The following HLTF variants were observed in gnomAD, a reference collection of about 807,000 sequenced individuals.
The protein encoded by HLTF is DNA-dependent ATPase/E3 ubiquitin-protein ligase HLTF.
A neutral mutation model predicts 129.4 loss-of-function variants in HLTF; 127 were observed. The ratio of observed to expected loss-of-function variants is 0.98; its 90% CI spans 0.85 to 1.14. The LOEUF (loss-of-function observed/expected upper bound fraction) is 1.14, where lower values mean the gene tolerates loss of function less well. Ranked by LOEUF, HLTF falls within the 50% of genes most tolerant of loss-of-function variation. The probability of loss-of-function intolerance (pLI) is 0.00; values close to 1 mark genes in which losing one functional copy is unlikely to be tolerated. For synonymous variants in HLTF, 332 were observed against 388.8 expected (o/e 0.85, Z 1.72); for missense variants, 1,139 against 1,187.1 (o/e 0.96, Z 0.60).
intron 19 of HLTF, 147 bp downstream of exon 19, chr3:149,042,019 T>C (rs530518486): frequency 1.5e-6 from 1 of 674,302 alleles, no homozygotes; most frequent in African/African-American, 1.8e-5. Context: ...AATTATTGGA[T>C]GTATTCCTAG....
At chr3:149,081,838 TTAAG>T (rs1441949859) in intron 2 of HLTF, among the ~76,000 whole-genome samples, 1 of 152,222 alleles carries the variant, frequency 6.6e-6, no homozygotes, top group East Asian at 1.9e-4. Flanking sequence ...AAAAGGGAGT[TTAAG>T]TATGTGTTCC....
chr3:149,048,192 C>T (rs771505287), intron 16 of HLTF, 29 bp from the exon 17 acceptor site: 1 of 1,572,930 alleles, frequency 6.4e-7, no homozygotes, highest in Non-Finnish European at 8.6e-7. Flanking sequence ...TGTTATAACT[C>T]TTTAACCAGA....
intron 9 of HLTF, among the ~76,000 whole-genome samples, chr3:149,063,910 A>T (rs553442961): frequency 3.3e-5 from 5 of 152,268 alleles, no homozygotes; most frequent in African/African-American, 1.2e-4. Flanking sequence ...TTTTTACTAA[A>T]CACTGTTCGG....
At chr3:149,033,963 T>C (rs1190303805) in intron 24 of HLTF, among the ~76,000 whole-genome samples, 1 of 152,094 alleles carries the variant, frequency 6.6e-6, no homozygotes, top group Non-Finnish European at 1.5e-5. Context: ...TCAACATACA[T>C]AAACAAAAGA....
chr3:149,037,152 T>C (rs141828887), intron 23 of HLTF, among the ~76,000 whole-genome samples: 134 of 152,262 alleles, frequency 8.8e-4, no homozygotes, highest in African/African-American at 3.1e-3. Context: ...ATTTCAAACT[T>C]CATCCACAGT....
chr3:149,058,159 G>C (rs1717631937), intron 13 of HLTF, among the ~76,000 whole-genome samples: 2 of 152,202 alleles, frequency 1.3e-5, no homozygotes, highest in South Asian at 4.2e-4. Context: ...ATGCAGTGGC[G>C]CTATTATGGC....
intron 14 of HLTF, among the ~76,000 whole-genome samples, chr3:149,053,275 T>A (rs1278406169): frequency 6.6e-6 from 1 of 152,138 alleles, no homozygotes; most frequent in African/African-American, 2.4e-5. Flanking sequence ...GGCCTGGAGG[T>A]GGAAGGTGTA....
In HLTF at chr3:149,048,439, C is replaced by T. The variant is rs148349852; in HGVS notation, c.1757-276G>A. 3.7e-3 allele frequency among the ~76,000 whole-genome samples: 560 copies of T among 152,250 alleles called. 2 individuals are homozygous for T. The highest frequency in any genetic ancestry group is 0.013 in the African/African-American group (540 of 41,528). ...ACTTTCTCCTTATCAAGTACATCTG[C>T]TTATTTAGTTTTTAAAGCAGCAGCA... On this transcript the variant is annotated intron_variant, in intron 16 of 24. Transcript: ENST00000310053.
At position 149,086,478 on chromosome 3, in the gene HLTF, G is replaced by A. The variant is rs1720440674; in HGVS notation, c.-142C>T. 2.2e-6 allele frequency: 2 copies of A among 901,804 alleles called. No individual in the cohort carries two copies. Among genetic ancestry groups the A allele is most frequent in the African/African-American group, 3.4e-5 (2 of 59,570 alleles). The allele number at this position is 901,804 out of a possible 1,614,324, so 55.9% of individuals were successfully genotyped here. A position where few individuals can be genotyped will look rare whatever the true frequency, so the allele number is the denominator to read the frequency against. On this transcript the variant is annotated 5_prime_UTR_variant, in exon 1 of 25. Coordinates refer to ENST00000310053, the MANE Select transcript of HLTF (RefSeq NM_003071.4). ...CCGGATCAGGAGCGCACGACTGAAA[G>A]GTAAGTCGCCGCGAGTCCAGTCAGA...
At chr3:149,061,180 C>T (rs559402853) in intron 10 of HLTF, among the ~76,000 whole-genome samples, 1 of 151,996 alleles carries the variant, frequency 6.6e-6, no homozygotes, top group South Asian at 2.1e-4. Flanking sequence ...AGTGATCATC[C>T]CGCCTTAGCC....
Position 149,081,833 on chromosome 3 carries a change from G to A in HLTF, c.228+2849C>T, listed in dbSNP as rs148618088. On this transcript the variant is annotated intron_variant, in intron 2 of 24. Transcript: ENST00000310053. ...AGTAACTAGAACCAAGGCATAAAAG[G>A]GAGTTTAAGTATGTGTTCCTCCAAT... is the stretch of plus-strand genomic sequence containing the variant. Among the ~76,000 whole-genome samples, 86 of 152,164 alleles carry A rather than the reference G, an allele frequency of 5.7e-4. 1 individual carries two copies. In the East Asian group the frequency reaches 0.011, roughly 20 times the overall value.
At chr3:149,048,699 G>A (rs749365602) in intron 16 of HLTF, among the ~76,000 whole-genome samples, 164 bp downstream of exon 16, 21 of 152,050 alleles carry the variant, frequency 1.4e-4, no homozygotes, top group African/African-American at 2.2e-4. Flanking sequence ...GTTATATCAC[G>A]GGCAATTATG....
In HLTF at chr3:149,076,023, A is replaced by C. The variant is rs767973763; in HGVS notation, c.253T>G (p.Leu85Val). ...TAAGGGTTATTAGGATCTCGTTGTA[A>C]TGCAACCATTTCATTATTATTAACC... ...GVVNNNEMVA[L>V]QRDPNNPYDK... Residue 85 changes from leucine (L) to valine (V), a missense_variant, in exon 3 of 25, where the codon TTA (leucine) becomes GTA (valine). Transcript: ENST00000310053. 6 of 1,425,686 alleles carry C rather than the reference A, an allele frequency of 4.2e-6. No homozygotes were observed. Among genetic ancestry groups the C allele is most frequent in the Non-Finnish European group, 5.9e-6 (6 of 1,019,940 alleles). 88.3% of individuals were successfully genotyped at this position (1,425,686 alleles called of 1,614,324 possible).
rs984473574 is a variant in HLTF, at chr3:149,074,275, T to C, written c.469A>G (p.Arg157Gly). The change falls in exon 4 of 25, where the codon AGA (arginine) becomes GGA (glycine). Residue 157 changes from arginine (R) to glycine (G), a missense_variant. Physicochemically the swap from Arg to Gly is moderately radical, Grantham distance 125. Transcript: ENST00000310053. ...TTCAACTGATCTGAAACCGCTTTTC[T>C]ATTTTCTTCTTTTCCCCAAAAAGTC... ...HMTFWGKEEN[R>G]KAVSDQLKKH... The C allele has an allele frequency of 1.2e-6, 2 of 1,613,788 alleles. No homozygotes were observed. The highest frequency in any genetic ancestry group is 1.7e-6 in the Non-Finnish European group (2 of 1,179,836).
At chr3:149,082,902 G>A (rs1719994075) in intron 2 of HLTF, among the ~76,000 whole-genome samples, 2 of 152,114 alleles carry the variant, frequency 1.3e-5, no homozygotes, top group African/African-American at 2.4e-5. Context: ...TAGAAGATAA[G>A]TTATGGTTCT....
rs971395323 is a variant in HLTF at position 149,037,249 on chromosome 3, T to C, written c.2796+1800A>G. Among the ~76,000 whole-genome samples, 23 of 151,924 alleles carry C rather than the reference T, an allele frequency of 1.5e-4. 1 individual carries two copies. The highest frequency in any genetic ancestry group is 1.5e-3 in the Admixed American group (23 of 15,268). The stretch of plus-strand genomic sequence containing the variant: ...ACTTTGGGAGGCTGAGGCAGGTGGA[T>C]CATGAGGTCAGGAGTTCAAGACCAG... On this transcript the variant is annotated intron_variant, in intron 23 of 24. Transcript: ENST00000310053.
chr3:149,034,806 A>G (rs1715429193), intron 24 of HLTF, 112 bp downstream of exon 24: 1 of 706,448 alleles, frequency 1.4e-6, no homozygotes, highest in Non-Finnish European at 2.5e-6. Context: ...AAGGTGACTT[A>G]TATTTTGCTC....
At chr3:149,051,089 G>A (rs569395934) in intron 14 of HLTF, among the ~76,000 whole-genome samples, 1 of 152,170 alleles carries the variant, frequency 6.6e-6, no homozygotes, top group African/African-American at 2.4e-5. Flanking sequence ...GGGTGGAAAG[G>A]ACAGGTGTGA....
At chr3:149,075,654 A>G (rs1171944793) in intron 3 of HLTF, among the ~76,000 whole-genome samples, 2 of 152,212 alleles carry the variant, frequency 1.3e-5, no homozygotes, top group African/African-American at 4.8e-5. Flanking sequence ...ACCAAGGTCT[A>G]TTTTCTCCAT....
Sources: gnomAD v4.1 joint callset for allele counts (sites outside exome capture counted in the v4.1 genomes callset) on GRCh38, gnomAD v4.1.1 for gene constraint, MANE v1.5 for transcripts, NCBI Gene and HGNC (gene_info 2026-07-23, HGNC 2026-07-21) for gene names.